Variants in POU6F2 observed in about 807,000 individuals in gnomAD.
POU6F2 encodes the protein POU domain, class 6, transcription factor 2.
In POU6F2, 31 loss-of-function variants were observed where a neutral mutation model predicts 71.3. That is an observed-to-expected ratio of 0.43 (90% CI 0.33 to 0.59). The LOEUF is 0.59. POU6F2 is among the 20% of genes least tolerant of loss of function. The pLI is 0.04. For synonymous variants in POU6F2, 347 were observed against 355.7 expected, an observed-to-expected ratio of 0.98 and a Z score of 0.27; for missense variants, 783 against 856.8, an observed-to-expected ratio of 0.91 and a Z score of 1.07.
At chr7:39,101,598 G>A (rs1791574517) in intron 2 of POU6F2, among the ~76,000 whole-genome samples, 1 of 152,030 alleles carries the variant, frequency 6.6e-6, no homozygotes, top group African/African-American at 2.4e-5. Context: ...GGAGATGTCG[G>A]TCAAAGGGTA....
intron 5 of POU6F2, among the ~76,000 whole-genome samples, chr7:39,351,910 T>A (rs1030835093): frequency 1.3e-5 from 2 of 152,234 alleles, no homozygotes; most frequent in African/African-American, 4.8e-5. Flanking sequence ...TCTTTTCTCA[T>A]GGTGGGAGTT....
chr7:39,104,073 T>C (rs1791627615), intron 2 of POU6F2, among the ~76,000 whole-genome samples: 1 of 152,206 alleles, frequency 6.6e-6, no homozygotes, highest in Non-Finnish European at 1.5e-5. Context: ...AGGCTCGAAA[T>C]TCTGGAGCTG....
chr7:38,981,144 T>G (rs1788305194), intron 1 of POU6F2, among the ~76,000 whole-genome samples: 1 of 152,252 alleles, frequency 6.6e-6, no homozygotes, highest in Non-Finnish European at 1.5e-5. Flanking sequence ...GGATGGATTG[T>G]TATTCATGGG....
intron 5 of POU6F2, among the ~76,000 whole-genome samples, chr7:39,343,073 G>A (rs1485525680): frequency 1.3e-5 from 2 of 152,156 alleles, no homozygotes; most frequent in African/African-American, 4.8e-5. Context: ...CCATGGCTTC[G>A]TTCTTGCCCA....
At chr7:38,980,018 A>C (rs1178281416) in intron 1 of POU6F2, among the ~76,000 whole-genome samples, 1 of 152,186 alleles carries the variant, frequency 6.6e-6, no homozygotes, top group East Asian at 1.9e-4. Flanking sequence ...CTTAACTTCT[A>C]ATTTGTCAGG....
At chr7:39,139,701 T>G (rs1490199430) in intron 2 of POU6F2, among the ~76,000 whole-genome samples, 1 of 152,174 alleles carries the variant, frequency 6.6e-6, no homozygotes, top group Non-Finnish European at 1.5e-5. Flanking sequence ...AGAAGAGGAT[T>G]TCTTTGAATC....
intron 4 of POU6F2, among the ~76,000 whole-genome samples, chr7:39,293,635 T>C (rs1405417845): frequency 6.6e-6 from 1 of 152,202 alleles, no homozygotes; most frequent in East Asian, 1.9e-4. Flanking sequence ...GGACTGTGTG[T>C]GAACCCCGGT....
chr7:39,111,147 G>A (rs569020788), intron 2 of POU6F2, among the ~76,000 whole-genome samples: 23 of 152,210 alleles, frequency 1.5e-4, no homozygotes, highest in African/African-American at 5.1e-4. Flanking sequence ...ACAATTGGTT[G>A]GATATTATTA....
intron 2 of POU6F2, among the ~76,000 whole-genome samples, chr7:39,154,905 A>G (rs1229305692): frequency 2.0e-5 from 3 of 152,190 alleles, no homozygotes; most frequent in Non-Finnish European, 4.4e-5. Context: ...ATAGTAAAAT[A>G]GTTCAACATG....
chr7:39,354,358 AC>A (rs1372265008), intron 5 of POU6F2, among the ~76,000 whole-genome samples: 6 of 152,292 alleles, frequency 3.9e-5, no homozygotes, highest in Admixed American at 3.9e-4. Flanking sequence ...AGAGGACAAA[AC>A]CTTTAGCTCT....
chr7:38,982,031 C>A (rs897604649), intron 1 of POU6F2, among the ~76,000 whole-genome samples: 3 of 152,148 alleles, frequency 2.0e-5, no homozygotes, highest in Non-Finnish European at 4.4e-5. Flanking sequence ...AAAATATGCT[C>A]AAATTGATGT....
intron 4 of POU6F2, among the ~76,000 whole-genome samples, chr7:39,322,210 G>A (rs950514009): frequency 2.5e-4 from 38 of 152,192 alleles, no homozygotes; most frequent in African/African-American, 8.9e-4. Flanking sequence ...AATTGCAGAT[G>A]GCCAGGAGTG....
chr7:39,422,979 TG>T (rs1172562324), intron 6 of POU6F2, among the ~76,000 whole-genome samples: 16 of 152,194 alleles, frequency 1.1e-4, no homozygotes, highest in African/African-American at 3.6e-4. Context: ...TTCCCATCTA[TG>T]GATATATTTT....
Position 39,207,394 on chromosome 7 carries a change from A to G in POU6F2, c.372A>G (p.Pro124=), listed in dbSNP as rs1794036608. The change falls in exon 4 of 10, where the codon CCA becomes CCG. Residue 124 remains proline, a splice_region_variant and synonymous_variant. Transcript: ENST00000518318. ...TAGCTGTATCTGTTTCCTTGCAGCC[A>G]CTTCTGACGGCACAGCAGTTAGCTT... The part of the protein sequence containing the change: ...THPPFPVGPQ[P]LLTAQQLASA... 1.2e-6 allele frequency: 2 copies of G among 1,613,504 alleles called. No individual in the cohort carries two copies. Among genetic ancestry groups the G allele is most frequent in the South Asian group, 2.2e-5 (2 of 91,072 alleles).
chr7:39,000,828 T>C (rs781662253), intron 1 of POU6F2, among the ~76,000 whole-genome samples: 1 of 152,160 alleles, frequency 6.6e-6, no homozygotes, highest in Non-Finnish European at 1.5e-5. Context: ...TCCTTCCTTA[T>C]CAATCACGTG....
intron 2 of POU6F2, among the ~76,000 whole-genome samples, chr7:39,163,751 A>G (rs1035746210): frequency 6.6e-6 from 1 of 152,230 alleles, no homozygotes; most frequent in Non-Finnish European, 1.5e-5. Flanking sequence ...TAGATCAGAA[A>G]TGGAAACAAC....
chr7:39,273,257 G>A (rs568557191), intron 4 of POU6F2, among the ~76,000 whole-genome samples: 2 of 152,204 alleles, frequency 1.3e-5, no homozygotes, highest in African/African-American at 2.4e-5. Context: ...CCAAAGAACA[G>A]AGTGTAAAAA....
At chr7:39,070,944 T>G (rs1052122533) in intron 1 of POU6F2, among the ~76,000 whole-genome samples, 3 of 151,724 alleles carry the variant, frequency 2.0e-5, no homozygotes, top group African/African-American at 4.8e-5. Flanking sequence ...CTTAGAGGAG[T>G]GGATGGTATA....
At chr7:39,439,184 G>GTTTTT (rs61692037) in intron 7 of POU6F2, among the ~76,000 whole-genome samples, 1 of 148,316 alleles carries the variant, frequency 6.7e-6, no homozygotes, top group African/African-American at 2.5e-5. Flanking sequence ...GCAACCCCTG[G>GTTTTT]TTTTTTTTTT....
Sources: allele counts gnomAD v4.1 joint callset (sites outside exome capture counted in the v4.1 genomes callset), GRCh38; gene constraint gnomAD v4.1.1; transcripts MANE v1.5; gene names NCBI Gene and HGNC (gene_info 2026-07-23, HGNC 2026-07-21).